ARHGAP32: variants seen among roughly 807,000 people sequenced by gnomAD.
The protein encoded by ARHGAP32 is rho GTPase-activating protein 32.
ARHGAP32 carries 51 observed loss-of-function variants against 186.5 expected under a neutral mutation model. The observed-to-expected ratio is 0.27, with a 90% CI of 0.22 to 0.35. The LOEUF is 0.35. Among genes scored for constraint, ARHGAP32 ranks in the 10% least tolerant of loss-of-function variants. ARHGAP32 has a pLI of 1.00. For missense variants in ARHGAP32, 2,186 were observed against 2,623.5 expected (o/e 0.83, Z 3.64); for synonymous variants, 950 against 964.3 (o/e 0.99, Z 0.27).
intron 1 of ARHGAP32, among the ~76,000 whole-genome samples, chr11:129,232,080 T>C (rs1591708742): frequency 6.9e-6 from 1 of 144,268 alleles, no homozygotes; most frequent in East Asian, 2.3e-4. Flanking sequence ...CTTCTCCCTC[T>C]ACTCACTTCT....
intron 19 of ARHGAP32, among the ~76,000 whole-genome samples, chr11:128,977,014 A>C (rs1945565326): frequency 6.6e-6 from 1 of 152,134 alleles, no homozygotes; most frequent in African/African-American, 2.4e-5. Context: ...TGTCCTCGTA[A>C]GAAAACACAG....
upstream of ARHGAP32, among the ~76,000 whole-genome samples, chr11:129,192,880 G>C (rs747637165): frequency 2.4e-4 from 37 of 152,124 alleles, no homozygotes; most frequent in Non-Finnish European, 4.9e-4. Context: ...CAAAGATGCT[G>C]ACAATCACAT....
At chr11:129,033,530 T>C (rs1001603715) in intron 11 of ARHGAP32, among the ~76,000 whole-genome samples, 11 of 152,242 alleles carry the variant, frequency 7.2e-5, no homozygotes, top group African/African-American at 2.7e-4. Context: ...ATACGCATTC[T>C]GCAAATATCT....
At chr11:129,128,976 C>T (rs1016544051) in intron 2 of ARHGAP32, among the ~76,000 whole-genome samples, 8 of 152,204 alleles carry the variant, frequency 5.3e-5, no homozygotes, top group Admixed American at 6.5e-5. Flanking sequence ...CCCAAAGTGC[C>T]AAGACTGCAG....
intron 2 of ARHGAP32, among the ~76,000 whole-genome samples, chr11:129,136,488 G>A (rs553808851): frequency 6.6e-6 from 1 of 152,148 alleles, no homozygotes; most frequent in South Asian, 2.1e-4. Context: ...TTCTCTGTAT[G>A]TAAGATATAC....
chr11:128,977,783 C>G (rs971520539), intron 19 of ARHGAP32, among the ~76,000 whole-genome samples: 2 of 151,898 alleles, frequency 1.3e-5, no homozygotes, highest in Non-Finnish European at 2.9e-5. Flanking sequence ...CTCAAGTAAT[C>G]CTCCTGCTTC....
At chr11:129,154,647 G>T (rs1216069296) in intron 2 of ARHGAP32, among the ~76,000 whole-genome samples, 1 of 152,052 alleles carries the variant, frequency 6.6e-6, no homozygotes, top group Non-Finnish European at 1.5e-5. Context: ...ACCAAATACC[G>T]TTATGTTCTT....
rs539908047 is a variant in ARHGAP32, at chr11:129,238,870, T to C, written c.-5+40276A>G. On this transcript the variant is annotated intron_variant, in intron 1 of 6. Transcript: ENST00000525234. ...TTTTTTTTGAAACAGGGTCTCACTC[T>C]GTTGCCCAGGCTGGGGTGCAGTGGT... Among the ~76,000 whole-genome samples the C allele has an allele frequency of 3.9e-4, 60 of 152,214 alleles. 1 individual carries two copies. In the South Asian group the frequency reaches 0.012, roughly 30 times the overall value.
intron 1 of ARHGAP32, among the ~76,000 whole-genome samples, chr11:129,180,055 T>G (rs1165229935): frequency 6.6e-6 from 1 of 152,136 alleles, no homozygotes; most frequent in Non-Finnish European, 1.5e-5. Flanking sequence ...ATTAGCAAGA[T>G]CACTGGTTTA....
chr11:129,253,970 T>A (rs1027834836), intron 1 of ARHGAP32, among the ~76,000 whole-genome samples: 23 of 152,140 alleles, frequency 1.5e-4, no homozygotes, highest in African/African-American at 5.5e-4. Flanking sequence ...CTAACTGAAA[T>A]AGGATATAAT....
rs542884698 is a variant in ARHGAP32 at position 129,134,640 on chromosome 11, A to G, written c.226-9746T>C. 3.3e-5 allele frequency among the ~76,000 whole-genome samples: 5 copies of G among 152,334 alleles called. No individual in the cohort carries two copies. The East Asian group carries it at 7.7e-4, about 23-fold the overall frequency. Reference sequence around the variant, plus strand: ...AGGAACATTTCTAATAAAAAATGTGAAAGACCTTGCTATGTTCTGAACATC... The same window carrying G: ...AGGAACATTTCTAATAAAAAATGTGGAAGACCTTGCTATGTTCTGAACATC... On this transcript the variant is annotated intron_variant, in intron 2 of 22. Coordinates refer to ENST00000682385, the MANE Select transcript of ARHGAP32 (RefSeq NM_001378024.1).
chr11:128,973,096 T>C lies in ARHGAP32; in HGVS notation c.3410A>G (p.Glu1137Gly), dbSNP rs1389320368. The change falls in exon 22 of 23, where the codon GAG becomes GGG. Residue 1137 changes from glutamate (E) to glycine (G), a missense_variant. By Grantham distance (98) the Glu-to-Gly change is moderately conservative. This residue lies in a region of ARHGAP32 where 1,502 missense variants were observed against 1,570.0 expected (regional missense o/e 0.96). Coordinates refer to ENST00000682385, the MANE Select transcript of ARHGAP32 (RefSeq NM_001378024.1). ...APGNCDHPLP[E>G]TTATGDPTHS... ...GGTAGGATCCCCAGTAGCTGTTGTC[T>C]CTGGTAGAGGATGGTCACAGTTTCC... 6.2e-7 allele frequency: 1 copy of C among 1,614,184 alleles called. No individual in the cohort carries two copies. Among genetic ancestry groups the C allele is most frequent in the Admixed American group, 1.7e-5 (1 of 60,030 alleles).
intron 1 of ARHGAP32, among the ~76,000 whole-genome samples, chr11:129,249,174 G>A (rs895031116): frequency 1.3e-5 from 2 of 151,440 alleles, no homozygotes; most frequent in Non-Finnish European, 2.9e-5. Context: ...CAACTACATG[G>A]CAAGTTAAAA....
intron 10 of ARHGAP32, among the ~76,000 whole-genome samples, chr11:129,049,092 G>A (rs1445950367): frequency 2.6e-5 from 4 of 152,088 alleles, no homozygotes; most frequent in African/African-American, 4.8e-5. Context: ...GACACATTCT[G>A]AGCAGAAGCA....
At chr11:129,215,806 A>C (rs923612681) in intron 1 of ARHGAP32, among the ~76,000 whole-genome samples, 2 of 152,186 alleles carry the variant, frequency 1.3e-5, no homozygotes, top group African/African-American at 4.8e-5. Flanking sequence ...TATGGCTCCC[A>C]AAAATACCTC....
Position 128,970,043 on chromosome 11 carries a change from G to T in ARHGAP32, c.5170C>A (p.Arg1724Ser), listed in dbSNP as rs202185475. The T allele has an allele frequency of 6.2e-7, 1 of 1,614,170 alleles. No individual in the cohort carries two copies. Among genetic ancestry groups the T allele is most frequent in the Non-Finnish European group, 8.5e-7 (1 of 1,180,036 alleles). The change falls in exon 23 of 23, where the codon CGT becomes AGT. Residue 1724 changes from arginine (R) to serine (S), a missense_variant. Transcript: ENST00000682385. The surrounding 1 kb of genome is among the most constrained non-coding windows in gnomAD (Gnocchi z 5.8). ...TAGCCAGTCACGTTGGCCCGGGGAC[G>T]TGGAGCCAAACCAGCATAACTGTAC... ...SLYSYAGLAPRPRANVTGYFS... is the reference protein window; with the variant it reads ...SLYSYAGLAPSPRANVTGYFS...
intron 10 of ARHGAP32, among the ~76,000 whole-genome samples, chr11:129,058,142 A>G (rs1428661117): frequency 6.6e-6 from 1 of 151,544 alleles, no homozygotes; most frequent in East Asian, 1.9e-4. Context: ...CACTGGCAGA[A>G]GTATCAGTGG....
At chr11:129,262,345 ACCCACC>A (rs1945333009) in intron 1 of ARHGAP32, among the ~76,000 whole-genome samples, 8 of 152,120 alleles carry the variant, frequency 5.3e-5, no homozygotes, top group African/African-American at 1.9e-4. Context: ...TATTCATTTA[ACCCACC>A]TTACAAATAA....
chr11:129,165,243 G>C (rs1326630560), intron 1 of ARHGAP32, among the ~76,000 whole-genome samples: 1 of 151,900 alleles, frequency 6.6e-6, no homozygotes. Context: ...CAAATATGTA[G>C]GACAGGATGC....
Sources: gnomAD v4.1 joint callset for allele counts (sites outside exome capture counted in the v4.1 genomes callset) on GRCh38, gnomAD v4.1.1 for gene constraint, gnomAD v4.1.1 regional missense constraint, Gnocchi (gnomAD v3.1) non-coding constraint, MANE v1.5 for transcripts, NCBI Gene and HGNC (gene_info 2026-07-23, HGNC 2026-07-21) for gene names.